Variants in FZR1 observed in about 807,000 individuals in gnomAD.
The protein encoded by FZR1 is fizzy-related protein homolog.
Under a neutral mutation model 63.6 loss-of-function variants are expected in FZR1, and 11 were observed. The observed-to-expected ratio is 0.17, with a 90% CI of 0.11 to 0.29. FZR1 has a LOEUF of 0.29. Ranked by LOEUF, FZR1 falls within the 10% of genes least tolerant of loss-of-function variation. FZR1 has a pLI of 1.00. For synonymous variants in FZR1, 328 were observed against 297.9 expected, an observed-to-expected ratio of 1.10 and a Z score of -1.04; for missense variants, 440 against 687.5, an observed-to-expected ratio of 0.64 and a Z score of 4.03.
chr19:3,526,522 C>A lies in FZR1; in HGVS notation c.387+136C>A. 1.5e-6 allele frequency: 1 copy of A among 667,734 alleles called. No individual in the cohort carries two copies. The allele number at this position is 667,734 out of a possible 1,614,324, so 41.4% of individuals were successfully genotyped here. A position where few individuals can be genotyped will look rare whatever the true frequency, so the allele number is the denominator to read the frequency against. ...CACGGCTCAGCACCCCCGCCCTGACCCTGTTCCTTAGCCAGGTCAGGGGCC... is the reference window on the plus strand; with the variant it reads ...CACGGCTCAGCACCCCCGCCCTGACACTGTTCCTTAGCCAGGTCAGGGGCC... On this transcript the variant is annotated intron_variant, in intron 5 of 13. Transcript: ENST00000441788. The surrounding 1 kb of genome is among the most constrained non-coding windows in gnomAD (Gnocchi z 5.4).
intron 2 of FZR1, among the ~76,000 whole-genome samples, chr19:3,524,249 G>A (rs2083130630): frequency 6.6e-6 from 1 of 152,218 alleles, no homozygotes; most frequent in Non-Finnish European, 1.5e-5. Flanking sequence ...GCCCAGCAGT[G>A]CGTGGGAGGG....
In FZR1 at chr19:3,533,449, C is replaced by A. The variant is rs1285147563; in HGVS notation, c.1347+51C>A. The A allele has an allele frequency of 2.8e-6, 3 of 1,084,764 alleles. No homozygotes were observed. The highest frequency in any genetic ancestry group is 4.3e-6 in the Non-Finnish European group (3 of 702,134). The allele number at this position is 1,084,764 out of a possible 1,614,324, so 67.2% of individuals were successfully genotyped here. A position where few individuals can be genotyped will look rare whatever the true frequency, so the allele number is the denominator to read the frequency against. On this transcript the variant is annotated intron_variant, in intron 12 of 13. Transcript: ENST00000441788. The surrounding 1 kb of genome is among the most constrained non-coding windows in gnomAD (Gnocchi z 4.9). ...GTGCCCCGGGATTCTGGACAAACTGCCATGGCCACCCCAGAGCACCCTGTC... is the reference window on the plus strand; with the variant it reads ...GTGCCCCGGGATTCTGGACAAACTGACATGGCCACCCCAGAGCACCCTGTC...
At chr19:3,519,771 A>G (rs2083084876) in intron 1 of FZR1, among the ~76,000 whole-genome samples, 1 of 152,160 alleles carries the variant, frequency 6.6e-6, no homozygotes, top group African/African-American at 2.4e-5. Context: ...TGGGGTTTTC[A>G]TGCCACAGTA....
In FZR1 at chr19:3,515,863, C is replaced by T. The variant is rs1013156250; in HGVS notation, c.-34-7093C>T. On this transcript the variant is annotated intron_variant, in intron 1 of 13. Transcript: ENST00000441788. The surrounding 1 kb of genome is among the most constrained non-coding windows in gnomAD (Gnocchi z 4.6). The stretch of plus-strand genomic sequence containing the variant: ...CAATCCTCGTCCTCTCCTTCCTCTC[C>T]CCACCCACCCCATGACCAGCCGCTT... Among the ~76,000 whole-genome samples, 5 of 152,072 alleles carry T rather than the reference C, an allele frequency of 3.3e-5. No individual in the cohort carries two copies. The highest frequency in any genetic ancestry group is 4.8e-5 in the African/African-American group (2 of 41,406).
At position 3,515,329 on chromosome 19, in the gene FZR1, A is replaced by G. The variant is rs2083051204; in HGVS notation, c.-34-7627A>G. On this transcript the variant is annotated intron_variant, in intron 1 of 13. Coordinates refer to ENST00000441788, the MANE Select transcript of FZR1 (RefSeq NM_016263.4). The surrounding 1 kb of genome is among the most constrained non-coding windows in gnomAD (Gnocchi z 4.6). The stretch of plus-strand genomic sequence containing the variant: ...CAGCTTAAGATCCTGATTTCTCTCT[A>G]CTCTAACCTTTTACGATGAAACCTT... 6.6e-6 allele frequency among the ~76,000 whole-genome samples: 1 copy of G among 151,790 alleles called. No homozygotes were observed. The highest frequency in any genetic ancestry group is 1.5e-5 in the Non-Finnish European group (1 of 67,956).
rs2083053743 is a variant in FZR1, at chr19:3,515,671, G to A, written c.-34-7285G>A. Reference sequence around the variant, plus strand: ...AGTCCCAGCTACTCGGGAGGCTGAGGCAGGAGAATGGTGTGAACCAGGAGG... The same window carrying A: ...AGTCCCAGCTACTCGGGAGGCTGAGACAGGAGAATGGTGTGAACCAGGAGG... On this transcript the variant is annotated intron_variant, in intron 1 of 13. Coordinates refer to ENST00000441788, the MANE Select transcript of FZR1 (RefSeq NM_016263.4). The surrounding 1 kb of genome is among the most constrained non-coding windows in gnomAD (Gnocchi z 4.6). Among the ~76,000 whole-genome samples, 1 of 151,880 alleles carries A rather than the reference G, an allele frequency of 6.6e-6. No individual in the cohort carries two copies. Among genetic ancestry groups the A allele is most frequent in the African/African-American group, 2.4e-5 (1 of 41,312 alleles).
intron 12 of FZR1, among the ~76,000 whole-genome samples, chr19:3,534,011 C>G (rs2083272873): frequency 1.3e-5 from 2 of 151,942 alleles, no homozygotes; most frequent in Non-Finnish European, 2.9e-5. Flanking sequence ...TCGCTTGAGC[C>G]CAGGAGTTCA....
intron 1 of FZR1, among the ~76,000 whole-genome samples, chr19:3,511,453 A>G (rs539415849): frequency 2.9e-4 from 44 of 152,332 alleles, no homozygotes; most frequent in African/African-American, 9.9e-4. Context: ...CTGGAATCGC[A>G]GCACTTTGGG....
At position 3,526,102 on chromosome 19, in the gene FZR1, C is replaced by G; in HGVS notation, c.196-18C>G. Reference sequence around the variant, plus strand: ...AGCGGGCTCCTCGACCCCTCCCTCTCTGCTCTCCTGCCTGCAGGAGAATGA... The same window carrying G: ...AGCGGGCTCCTCGACCCCTCCCTCTGTGCTCTCCTGCCTGCAGGAGAATGA... On this transcript the variant is annotated intron_variant, in intron 3 of 13. Transcript: ENST00000441788. The surrounding 1 kb of genome is among the most constrained non-coding windows in gnomAD (Gnocchi z 5.4). 1.2e-6 allele frequency: 2 copies of G among 1,612,572 alleles called. No homozygotes were observed. Among genetic ancestry groups the G allele is most frequent in the Middle Eastern group, 3.3e-4 (2 of 6,060 alleles).
intron 7 of FZR1, among the ~76,000 whole-genome samples, chr19:3,529,713 C>CGGATGGGAGAGTGGATGGGAGAGT: frequency 7.9e-6 from 1 of 126,576 alleles, no homozygotes; most frequent in Admixed American, 7.9e-5. Context: ...GATGGGAGAG[C>CGGATGGGAGAGTGGATGGGAGAGT]GGATGGGAGA....
intron 1 of FZR1, among the ~76,000 whole-genome samples, chr19:3,510,358 G>C (rs11671430): frequency 0.31 from 47,810 of 152,102 alleles, 11,866 homozygotes; most frequent in African/African-American, 0.69. Context: ...TGGCCTTGAA[G>C]TCCTGGGCTC....
chr19:3,513,764 G>A (rs1011092888), intron 1 of FZR1, among the ~76,000 whole-genome samples: 4 of 152,158 alleles, frequency 2.6e-5, no homozygotes, highest in African/African-American at 9.7e-5. Context: ...TGGGTAGCAA[G>A]TGCCGCCTCA....
Position 3,526,318 on chromosome 19 carries a change from G to A in FZR1, c.319G>A (p.Val107Met), listed in dbSNP as rs1163667730. The change falls in exon 5 of 14, where the codon GTG (valine) becomes ATG (methionine). Residue 107 changes from valine to methionine, a missense_variant. Physicochemically the swap from Val to Met is conservative, Grantham distance 21. Coordinates refer to ENST00000441788, the MANE Select transcript of FZR1 (RefSeq NM_016263.4). This position sits in a 1 kb window ranked among gnomAD's most constrained non-coding sequence, Gnocchi z 5.4. ...NELLGAGIEK[V>M]QDPQTEDRRL... is the part of the protein sequence containing the mutation. The stretch of plus-strand genomic sequence containing the variant: ...GCTGCTGGGTGCCGGCATCGAGAAG[G>A]TGCAGGACCCGCAGACTGAGGACCG... 2 of 1,605,532 alleles carry A rather than the reference G, an allele frequency of 1.2e-6. No homozygotes were observed. The highest frequency in any genetic ancestry group is 1.1e-5 in the South Asian group (1 of 90,270).
chr19:3,520,656 C>T (rs553379095), intron 1 of FZR1, among the ~76,000 whole-genome samples: 7 of 152,342 alleles, frequency 4.6e-5, no homozygotes, highest in Non-Finnish European at 8.8e-5. Context: ...CCCTTGACTG[C>T]GGGCCCAGTC....
chr19:3,512,737 C>T (rs2083032543), intron 1 of FZR1, among the ~76,000 whole-genome samples: 1 of 152,182 alleles, frequency 6.6e-6, no homozygotes, highest in Admixed American at 6.5e-5. Flanking sequence ...CCCTTAATCA[C>T]ATCATGACAC....
Position 3,533,950 on chromosome 19 carries a change from C to T in FZR1, c.1348-471C>T, listed in dbSNP as rs756776970. Among the ~76,000 whole-genome samples the T allele has an allele frequency of 8.5e-5, 13 of 152,078 alleles. No homozygotes were observed. Among genetic ancestry groups the T allele is most frequent in the Non-Finnish European group, 1.5e-4 (10 of 68,014 alleles). ...AAAATGCTCCAACCTTGGCTAGGTG[C>T]GGTGGCTCACGCCTGTAATCCCTGC... is the stretch of plus-strand genomic sequence containing the variant. On this transcript the variant is annotated intron_variant, in intron 12 of 13. Transcript: ENST00000441788. This position sits in a 1 kb window ranked among gnomAD's most constrained non-coding sequence, Gnocchi z 4.9.
At chr19:3,527,588 C>T (rs765882840) in intron 6 of FZR1, 43 bp from the exon 7 acceptor site, 60 of 1,545,206 alleles carry the variant, frequency 3.9e-5, no homozygotes, top group Non-Finnish European at 5.2e-5. Flanking sequence ...AAGAGGTGAC[C>T]CAAGTGCCGT....
In FZR1 at chr19:3,534,411, C is replaced by T. The variant is rs1568241687; in HGVS notation, c.1348-10C>T. The T allele has an allele frequency of 3.3e-6, 5 of 1,528,900 alleles. No individual in the cohort carries two copies. The highest frequency in any genetic ancestry group is 4.5e-6 in the Non-Finnish European group (5 of 1,108,902). The allele number at this position is 1,528,900 out of a possible 1,614,324, so 94.7% of individuals were successfully genotyped here. A position where few individuals can be genotyped will look rare whatever the true frequency, so the allele number is the denominator to read the frequency against. ...CCCAGAGACATGGGGTGCTTCCCTCCTGTCCACAGGCAATGTCCCCTGATG... is the reference window on the plus strand; with the variant it reads ...CCCAGAGACATGGGGTGCTTCCCTCTTGTCCACAGGCAATGTCCCCTGATG... On this transcript the variant is annotated splice_polypyrimidine_tract_variant and intron_variant, in intron 12 of 13. Transcript: ENST00000441788.
At position 3,533,279 on chromosome 19, in the gene FZR1, C is replaced by T. The variant is rs778608917; in HGVS notation, c.1243-15C>T. On this transcript the variant is annotated splice_polypyrimidine_tract_variant and intron_variant, in intron 11 of 13. Coordinates refer to ENST00000441788, the MANE Select transcript of FZR1 (RefSeq NM_016263.4). The surrounding 1 kb of genome is among the most constrained non-coding windows in gnomAD (Gnocchi z 4.9). The stretch of plus-strand genomic sequence containing the variant: ...GTTGCCCCTCACCGACCGCAGCGCC[C>T]CCTCCGCCCTCCAGGTGAGCACGCA... The T allele has an allele frequency of 1.9e-6, 3 of 1,543,738 alleles. No individual in the cohort carries two copies. The highest frequency in any genetic ancestry group is 3.3e-5 in the Admixed American group (2 of 59,886).
Sources: gnomAD v4.1 joint callset for allele counts (sites outside exome capture counted in the v4.1 genomes callset) on GRCh38, gnomAD v4.1.1 for gene constraint, Gnocchi (gnomAD v3.1) non-coding constraint, MANE v1.5 for transcripts, NCBI Gene and HGNC (gene_info 2026-07-23, HGNC 2026-07-21) for gene names.